RAB11FIP4: variants seen among roughly 807,000 people sequenced by gnomAD.
RAB11FIP4 encodes rab11 family-interacting protein 4.
In RAB11FIP4, 23 loss-of-function variants were observed where a neutral mutation model predicts 74.3. That is an observed-to-expected ratio of 0.31 (90% CI 0.22 to 0.44). The LOEUF (loss-of-function observed/expected upper bound fraction) is 0.44. RAB11FIP4 is among the 20% of genes least tolerant of loss of function. The pLI, the probability that RAB11FIP4 is intolerant of heterozygous loss-of-function variation, is 1.00. For synonymous variants in RAB11FIP4, 360 were observed against 359.9 expected (o/e 1.00, Z 0.00); for missense variants, 630 against 863.9 (o/e 0.73, Z 3.39).
At chr17:31,406,158 A>AG (rs1164728086) in intron 1 of RAB11FIP4, among the ~76,000 whole-genome samples, 1 of 152,216 alleles carries the variant, frequency 6.6e-6, no homozygotes, top group Admixed American at 6.5e-5. Flanking sequence ...AGAGGGCGGA[A>AG]GGGGGGTTGT....
At position 31,537,032 on chromosome 17, in the gene RAB11FIP4, G is replaced by C. The variant is rs1727316054; in HGVS notation, c.*5300G>C. ...AGGCCATGTCTCCTGCAGGATCCAA[G>C]TGCTGTTGTCCCCAGGGTGACCCTG... On this transcript the variant is annotated 3_prime_UTR_variant, in exon 15 of 15. Transcript: ENST00000621161. The C allele has an allele frequency of 2.5e-6, 1 of 399,256 alleles. No homozygotes were observed. The highest frequency in any genetic ancestry group is 4.4e-5 in the Admixed American group (1 of 22,724). The allele number at this position is 399,256 out of a possible 1,614,324, so 24.7% of individuals were successfully genotyped here.
chr17:31,466,655 A>G (rs193066262), intron 3 of RAB11FIP4, among the ~76,000 whole-genome samples: 1 of 152,234 alleles, frequency 6.6e-6, no homozygotes, highest in East Asian at 1.9e-4. Flanking sequence ...CCGCTGGTAG[A>G]TTATAGCTTG....
chr17:31,433,540 G>A (rs1438418968), intron 2 of RAB11FIP4, among the ~76,000 whole-genome samples: 1 of 152,228 alleles, frequency 6.6e-6, no homozygotes, highest in Non-Finnish European at 1.5e-5. Context: ...GGGGCGTTTG[G>A]TTGGGATCTC....
chr17:31,490,874 T>C (rs1446243991), intron 3 of RAB11FIP4, among the ~76,000 whole-genome samples: 2 of 152,246 alleles, frequency 1.3e-5, no homozygotes, highest in African/African-American at 4.8e-5. Flanking sequence ...CTTTATCTGT[T>C]CGTGCCTGCT....
intron 1 of RAB11FIP4, among the ~76,000 whole-genome samples, chr17:31,413,702 C>A (rs892651832): frequency 2.6e-5 from 4 of 152,158 alleles, no homozygotes; most frequent in African/African-American, 9.7e-5. Context: ...ATCTCCCAAG[C>A]CCTCTGGGCT....
intron 3 of RAB11FIP4, among the ~76,000 whole-genome samples, chr17:31,513,816 A>G (rs997490436): frequency 3.3e-5 from 5 of 152,126 alleles, no homozygotes; most frequent in African/African-American, 1.2e-4. Context: ...GTGGCCAGGC[A>G]GGTGAGGACT....
chr17:31,391,877 G>A lies in RAB11FIP4; in HGVS notation c.25G>A (p.Gly9Ser). Residue 9 changes from glycine (G) to serine (S), a missense_variant, in exon 1 of 15, where the codon GGC (glycine) becomes AGC (serine). Physicochemically the swap from Gly to Ser is moderately conservative, Grantham distance 56. Transcript: ENST00000621161. MAGGAGWS[G>S]APAALLRSVR... is the part of the protein sequence containing the mutation. ...GATGGCGGGCGGCGCGGGCTGGTCG[G>A]GCGCCCCCGCGGCTCTGCTGCGCTC... is the stretch of plus-strand genomic sequence containing the variant. The A allele has an allele frequency of 8.4e-7, 1 of 1,184,658 alleles. No individual in the cohort carries two copies. The highest frequency in any genetic ancestry group is 1.0e-6 in the Non-Finnish European group (1 of 960,632). 73.4% of individuals were successfully genotyped at this position (1,184,658 alleles called of 1,614,324 possible).
intron 3 of RAB11FIP4, among the ~76,000 whole-genome samples, chr17:31,481,702 G>A (rs1332368988): frequency 2.6e-5 from 4 of 152,160 alleles, no homozygotes; most frequent in African/African-American, 9.7e-5. Flanking sequence ...CTTCTTGGAT[G>A]ACTGAATGAG....
At chr17:31,423,631 T>TCAGTTTTCAAA (rs778491486) in intron 1 of RAB11FIP4, among the ~76,000 whole-genome samples, 176 of 152,166 alleles carry the variant, frequency 1.2e-3, no homozygotes, top group Non-Finnish European at 2.1e-3. Flanking sequence ...TCAAAGCCTT[T>TCAGTTTTCAAA]GCAGTGCTAT....
rs911379404 is a variant in RAB11FIP4 at position 31,447,240 on chromosome 17, T to A, written c.336+13118T>A. Among the ~76,000 whole-genome samples, 9 of 152,264 alleles carry A rather than the reference T, an allele frequency of 5.9e-5. No individual in the cohort carries two copies. In the East Asian group the frequency reaches 1.7e-3, roughly 30 times the overall value. On this transcript the variant is annotated intron_variant, in intron 3 of 14. Coordinates refer to ENST00000621161, the MANE Select transcript of RAB11FIP4 (RefSeq NM_032932.6). ...TGGAGCTTGCAATGAGCCGAGATTG[T>A]GCCACTGCACTCCAACCTGGGCCAC... is the stretch of plus-strand genomic sequence containing the variant.
rs756765164 is a variant in RAB11FIP4, at chr17:31,517,644, T to C, written c.337-7T>C. ...CACTTATCTTGTCTCTGCTCTCTCT[T>C]TCCCAGGGCAGCGAGGTCACAGGCC... On this transcript the variant is annotated splice_region_variant and splice_polypyrimidine_tract_variant and intron_variant, in intron 3 of 14. Coordinates refer to ENST00000621161, the MANE Select transcript of RAB11FIP4 (RefSeq NM_032932.6). 2 of 1,594,942 alleles carry C rather than the reference T, an allele frequency of 1.3e-6. No individual in the cohort carries two copies. The highest frequency in any genetic ancestry group is 1.7e-6 in the Non-Finnish European group (2 of 1,171,352).
At chr17:31,474,975 G>A (rs2071777322) in intron 3 of RAB11FIP4, among the ~76,000 whole-genome samples, 1 of 152,114 alleles carries the variant, frequency 6.6e-6, no homozygotes. Flanking sequence ...CATTTCAACC[G>A]CTGTGGTGTT....
intron 1 of RAB11FIP4, among the ~76,000 whole-genome samples, chr17:31,410,716 C>T (rs2071085950): frequency 6.6e-6 from 1 of 152,148 alleles, no homozygotes; most frequent in African/African-American, 2.4e-5. Context: ...CCTTCTGTTT[C>T]CACTGTTGCT....
chr17:31,524,201 A>C (rs1597982526), intron 9 of RAB11FIP4: 1 of 557,708 alleles, frequency 1.8e-6, no homozygotes, highest in Non-Finnish European at 3.2e-6. Context: ...TTGGAGCTTG[A>C]CCTTGGCTCT....
intron 3 of RAB11FIP4, among the ~76,000 whole-genome samples, chr17:31,498,910 C>A (rs2142765716): frequency 6.6e-6 from 1 of 152,262 alleles, no homozygotes. Flanking sequence ...ATGGAGCCCC[C>A]AAAGCAAGCC....
intron 1 of RAB11FIP4, among the ~76,000 whole-genome samples, chr17:31,401,349 G>A (rs1802306033): frequency 6.6e-6 from 1 of 152,060 alleles, no homozygotes; most frequent in Admixed American, 6.5e-5. Context: ...CCATAGCTTA[G>A]GGTCACCAAT....
chr17:31,437,603 C>T (rs767408848), intron 3 of RAB11FIP4, among the ~76,000 whole-genome samples: 5 of 152,192 alleles, frequency 3.3e-5, no homozygotes, highest in Non-Finnish European at 5.9e-5. Context: ...ATCCCTGTGC[C>T]ATGCGTGTAT....
intron 3 of RAB11FIP4, among the ~76,000 whole-genome samples, chr17:31,484,919 T>TG (rs1415516367): frequency 3.3e-5 from 5 of 152,234 alleles, no homozygotes; most frequent in Non-Finnish European, 5.9e-5. Flanking sequence ...ATTGAGACAC[T>TG]GGGACTTAAA....
chr17:31,423,927 A>G (rs1022282500), intron 1 of RAB11FIP4, among the ~76,000 whole-genome samples: 1 of 151,860 alleles, frequency 6.6e-6, no homozygotes, highest in African/African-American at 2.4e-5. Flanking sequence ...TGTGACTGCT[A>G]CGGCTGCTGC....
Sources: gnomAD v4.1 joint callset for allele counts (sites outside exome capture counted in the v4.1 genomes callset) on GRCh38, gnomAD v4.1.1 for gene constraint, MANE v1.5 for transcripts, NCBI Gene and HGNC (gene_info 2026-07-23, HGNC 2026-07-21) for gene names.